The following ANK2 variants were observed in gnomAD, a reference collection of about 807,000 sequenced individuals.
The protein encoded by ANK2 is ankyrin-2.
In ANK2, 83 loss-of-function variants were observed where a neutral mutation model predicts 360.5. That is an observed-to-expected ratio of 0.23 (90% CI 0.19 to 0.28). The LOEUF is 0.28. Among genes scored for constraint, ANK2 ranks in the 10% least tolerant of loss-of-function variants. ANK2 has a pLI of 1.00. For missense variants in ANK2, 4,201 were observed against 4,795.7 expected, an observed-to-expected ratio of 0.88 and a Z score of 3.66; for synonymous variants, 1,740 against 1,759.5, an observed-to-expected ratio of 0.99 and a Z score of 0.28.
chr4:112,776,634 A>T, the ANK2 span, among the ~76,000 whole-genome samples: 2 of 152,222 alleles, frequency 1.3e-5, no homozygotes, highest in Non-Finnish European at 2.9e-5. Flanking sequence ...CCAAATTGGC[A>T]TATTTTGGGG....
At chr4:113,072,019 G>T (rs1485220516) in intron 1 of ANK2, 7 of 152,198 alleles carry the variant, frequency 4.6e-5, no homozygotes, top group African/African-American at 9.7e-5. Flanking sequence ...ACAGGATGGG[G>T]GAAACTGCTC....
intron 2 of ANK2, among the ~76,000 whole-genome samples, chr4:113,188,531 A>G (rs2098590533): frequency 6.6e-6 from 1 of 152,208 alleles, no homozygotes; most frequent in Non-Finnish European, 1.5e-5. Flanking sequence ...CAAAATTTGA[A>G]TGTTCCCTTT....
At chr4:112,808,636 T>C in the ANK2 span, among the ~76,000 whole-genome samples, 1 of 152,078 alleles carries the variant, frequency 6.6e-6, no homozygotes, top group African/African-American at 2.4e-5. Flanking sequence ...TTTGTGGGGC[T>C]GGGGGCAAAT....
the ANK2 span, among the ~76,000 whole-genome samples, chr4:112,771,598 T>G: frequency 6.6e-6 from 1 of 151,550 alleles, no homozygotes; most frequent in Non-Finnish European, 1.5e-5. Context: ...AACTTTTTTT[T>G]TTTTTGAGAC....
At chr4:113,120,995 A>G (rs535583427) in intron 1 of ANK2, among the ~76,000 whole-genome samples, 5 of 152,310 alleles carry the variant, frequency 3.3e-5, no homozygotes, top group African/African-American at 9.6e-5. Flanking sequence ...CTGGAATCAT[A>G]TGACTTAAAA....
At chr4:112,715,005 A>G in the ANK2 span, among the ~76,000 whole-genome samples, 1 of 152,204 alleles carries the variant, frequency 6.6e-6, no homozygotes, top group Non-Finnish European at 1.5e-5. Flanking sequence ...TTGCTCATTA[A>G]TCTGCAATTG....
chr4:113,042,287 G>T (rs2063155787), intron 2 of ANK2, among the ~76,000 whole-genome samples: 1 of 152,128 alleles, frequency 6.6e-6, no homozygotes, highest in Non-Finnish European at 1.5e-5. Flanking sequence ...CCCTCACCCT[G>T]GTTCTTGGAG....
chr4:113,364,934 G>A (rs1046319755), intron 40 of ANK2, 105 bp from the exon 41 acceptor site: 2 of 1,398,638 alleles, frequency 1.4e-6, no homozygotes, highest in African/African-American at 2.8e-5. Context: ...GGCTTTGATT[G>A]TTTTTTTCTG....
intron 2 of ANK2, among the ~76,000 whole-genome samples, chr4:112,935,313 T>G (rs1016836866): frequency 2.0e-5 from 3 of 152,216 alleles, no homozygotes; most frequent in African/African-American, 7.2e-5. Flanking sequence ...AAAGTGGAAG[T>G]TAAACAGAAA....
the ANK2 span, among the ~76,000 whole-genome samples, chr4:112,712,915 ATACT>A: frequency 1.9e-4 from 29 of 152,156 alleles, no homozygotes; most frequent in Non-Finnish European, 4.1e-4. Context: ...GTACTGACAA[ATACT>A]TAAGAGTCGT....
chr4:113,144,462 G>T (rs1298785996), intron 1 of ANK2, among the ~76,000 whole-genome samples: 1 of 151,730 alleles, frequency 6.6e-6, no homozygotes, highest in African/African-American at 2.4e-5. Context: ...AAAAAAAAAT[G>T]ACATATTGGA....
chr4:113,243,913 TA>T (rs1276971731), intron 9 of ANK2, among the ~76,000 whole-genome samples: 1 of 152,224 alleles, frequency 6.6e-6, no homozygotes, highest in Non-Finnish European at 1.5e-5. Context: ...TTGCTTTTAT[TA>T]ATGCTTTTTG....
chr4:112,762,824 A>G, the ANK2 span, among the ~76,000 whole-genome samples: 1 of 152,162 alleles, frequency 6.6e-6, no homozygotes, highest in Non-Finnish European at 1.5e-5. Context: ...AATATTTTTG[A>G]CACTATAACT....
At chr4:113,215,048 A>G (rs1490196802) in intron 4 of ANK2, among the ~76,000 whole-genome samples, 10 of 152,192 alleles carry the variant, frequency 6.6e-5, no homozygotes, top group Admixed American at 6.5e-4. Context: ...TTATGTTTAA[A>G]TAACATATTA....
At chr4:112,931,487 A>G (rs1581385448) in intron 2 of ANK2, among the ~76,000 whole-genome samples, 1 of 120,252 alleles carries the variant, frequency 8.3e-6, no homozygotes, top group South Asian at 2.6e-4. Flanking sequence ...CCGAGGCTGG[A>G]GTGCAGTGGT....
At chr4:113,257,987 G>T (rs2050438715) in intron 11 of ANK2, 63 bp from the exon 12 acceptor site, 1 of 1,395,136 alleles carries the variant, frequency 7.2e-7, no homozygotes, top group Non-Finnish European at 1.0e-6. Flanking sequence ...CAATGTGCCA[G>T]CATGGAGTTG....
intron 7 of ANK2, among the ~76,000 whole-genome samples, chr4:113,240,165 A>G (rs2038995101): frequency 6.6e-6 from 1 of 152,226 alleles, no homozygotes; most frequent in South Asian, 2.1e-4. Context: ...GTTTAAACAT[A>G]TTCTGGTTTT....
chr4:113,369,892 C>A, intron 43 of ANK2, 87 bp downstream of exon 43: 1 of 1,551,180 alleles, frequency 6.4e-7, no homozygotes, highest in Non-Finnish European at 8.8e-7. Flanking sequence ...TTATTTTTTG[C>A]ACTTCAAAAC....
At chr4:113,172,885 A>T (rs886638452) in intron 1 of ANK2, among the ~76,000 whole-genome samples, 5 of 152,212 alleles carry the variant, frequency 3.3e-5, no homozygotes, top group Non-Finnish European at 7.3e-5. Context: ...GGAATTTAGC[A>T]TATGCTGCAA....
Sources: allele counts gnomAD v4.1 joint callset (sites outside exome capture counted in the v4.1 genomes callset), GRCh38; gene constraint gnomAD v4.1.1; transcripts MANE v1.5; gene names NCBI Gene and HGNC (gene_info 2026-07-23, HGNC 2026-07-21).